EIF4G1: variants seen among roughly 807,000 people sequenced by gnomAD.
The protein encoded by EIF4G1 is EIF4-gamma.
A neutral mutation model predicts 187.8 loss-of-function variants in EIF4G1; 4 were observed. The observed-to-expected ratio is 0.02, with a 90% confidence interval of 0.01 to 0.05. The LOEUF is 0.05. Ranked by LOEUF, EIF4G1 falls within the 10% of genes least tolerant of loss-of-function variation. The pLI, the probability that EIF4G1 is intolerant of heterozygous loss-of-function variation, is 1.00. For missense variants in EIF4G1, 1,647 were observed against 2,081.1 expected, an observed-to-expected ratio of 0.79 and a Z score of 4.06; for synonymous variants, 844 against 781.4, an observed-to-expected ratio of 1.08 and a Z score of -1.34.
intron 28 of EIF4G1, among the ~76,000 whole-genome samples, chr3:184,330,928 C>T (rs1346328211): frequency 1.2e-4 from 18 of 152,138 alleles, no homozygotes; most frequent in African/African-American, 4.1e-4. Context: ...TCTGTAGAGA[C>T]GGGGTTTCAC....
intron 6 of EIF4G1, chr3:184,319,365 G>T: frequency 5.0e-6 from 2 of 402,886 alleles, no homozygotes; most frequent in Non-Finnish European, 9.4e-6. Flanking sequence ...TACGGTGGAA[G>T]GACAGACATA....
At position 184,335,265 on chromosome 3, in the gene EIF4G1, G is replaced by A; in HGVS notation, c.*357G>A. ...GCCGTCCTCGCTGCTGGGGGCATAT[G>A]CCCCAGCCCCTGTACCACCCCTGCT... On this transcript the variant is annotated 3_prime_UTR_variant, in exon 33 of 33. Coordinates refer to ENST00000346169, the MANE Select transcript of EIF4G1 (RefSeq NM_198241.3). 3.3e-6 allele frequency: 1 copy of A among 298,650 alleles called. No homozygotes were observed. Among genetic ancestry groups the A allele is most frequent in the Non-Finnish European group, 6.5e-6 (1 of 153,892 alleles). 18.5% of individuals were successfully genotyped at this position (298,650 alleles called of 1,614,324 possible).
chr3:184,322,187 T>C (rs1423224034), intron 10 of EIF4G1, 84 bp downstream of exon 10: 3 of 1,600,222 alleles, frequency 1.9e-6, no homozygotes, highest in African/African-American at 2.7e-5. Context: ...ATTTTTGACA[T>C]GTTTCTGGGT....
At chr3:184,324,412 C>G (rs990245263) in intron 17 of EIF4G1, 65 bp downstream of exon 17, 6 of 1,608,642 alleles carry the variant, frequency 3.7e-6, no homozygotes, top group Non-Finnish European at 5.1e-6. Context: ...AGATGCTACT[C>G]AGCTGTAGAA....
rs188604087 is a variant in EIF4G1, at chr3:184,323,040, C to T, written c.1930-43C>T. The T allele has an allele frequency of 1.5e-4, 242 of 1,614,134 alleles. 1 individual carries two copies. The East Asian group carries it at 2.6e-3, about 17-fold the overall frequency. On this transcript the variant is annotated intron_variant, in intron 13 of 32. Coordinates refer to ENST00000346169, the MANE Select transcript of EIF4G1 (RefSeq NM_198241.3). This position sits in a 1 kb window ranked among gnomAD's most constrained non-coding sequence, Gnocchi z 6.9. ...CTGAGGTCCTGAAAGAGTAGTCAAC[C>T]GCTCTAGCCTGCTTCTGAGACCTTT...
At chr3:184,317,545 TC>T (rs772842009) in intron 5 of EIF4G1, 48 bp downstream of exon 5, 3 of 1,606,306 alleles carry the variant, frequency 1.9e-6, no homozygotes, top group African/African-American at 2.7e-5. Flanking sequence ...CCTATACCTC[TC>T]ACTTAACTCA....
At position 184,321,471 on chromosome 3, in the gene EIF4G1, C is replaced by G. The variant is rs1464789453; in HGVS notation, c.887C>G (p.Ser296Cys). ...PGDTMTTIQMSVEESTPISRE... is the reference protein window; with the variant it reads ...PGDTMTTIQMCVEESTPISRE... ...GACACTATGACAACTATACAAATGT[C>G]TGTAGAAGAATCAACCCCCATCTCC... The change falls in exon 10 of 33, where the codon TCT (serine) becomes TGT (cysteine). Residue 296 changes from serine to cysteine, a missense_variant. Physicochemically the swap from Ser to Cys is moderately radical, Grantham distance 112. This residue lies in a region of EIF4G1 where 522 missense variants were observed against 485.2 expected (regional missense o/e 1.08). Transcript: ENST00000346169. 2 of 1,614,182 alleles carry G rather than the reference C, an allele frequency of 1.2e-6. No homozygotes were observed. Among genetic ancestry groups the G allele is most frequent in the Non-Finnish European group, 1.7e-6 (2 of 1,180,036 alleles).
Position 184,323,623 on chromosome 3 carries a change from T to TC in EIF4G1, c.2274+32dup, listed in dbSNP as rs1363535226. 6.2e-7 allele frequency: 1 copy of TC among 1,613,558 alleles called. No homozygotes were observed. The highest frequency in any genetic ancestry group is 8.5e-7 in the Non-Finnish European group (1 of 1,179,986). On this transcript the variant is annotated intron_variant, in intron 15 of 32. Coordinates refer to ENST00000346169, the MANE Select transcript of EIF4G1 (RefSeq NM_198241.3). The surrounding 1 kb of genome is among the most constrained non-coding windows in gnomAD (Gnocchi z 6.9). ...TGGCAAGTCCTGCTTTTGGTCTCTC[T>TC]CCATTTCTTCTCCAGGTCTGCCATC...
chr3:184,324,004 A>G (rs1724377272), intron 16 of EIF4G1, 27 bp downstream of exon 16: 1 of 1,613,054 alleles, frequency 6.2e-7, no homozygotes, highest in Non-Finnish European at 8.5e-7. Context: ...TTCTAAATCT[A>G]ATGGTCTGGT....
At position 184,323,016 on chromosome 3, in the gene EIF4G1, T is replaced by A; in HGVS notation, c.1929+62T>A. The A allele has an allele frequency of 6.2e-7, 1 of 1,614,156 alleles. No individual in the cohort carries two copies. The highest frequency in any genetic ancestry group is 8.5e-7 in the Non-Finnish European group (1 of 1,180,042). On this transcript the variant is annotated intron_variant, in intron 13 of 32. Transcript: ENST00000346169. The surrounding 1 kb of genome is among the most constrained non-coding windows in gnomAD (Gnocchi z 6.9). Reference sequence around the variant, plus strand: ...GTGCTGGATGGATTGGGGAGGAGCCTGAGGTCCTGAAAGAGTAGTCAACCG... The same window carrying A: ...GTGCTGGATGGATTGGGGAGGAGCCAGAGGTCCTGAAAGAGTAGTCAACCG...
chr3:184,315,492 C>G lies in EIF4G1; in HGVS notation c.-88C>G, dbSNP rs1481231586. 1.5e-6 allele frequency: 1 copy of G among 664,186 alleles called. No homozygotes were observed. Among genetic ancestry groups the G allele is most frequent in the Admixed American group, 1.8e-5 (1 of 55,744 alleles). 41.1% of individuals were successfully genotyped at this position (664,186 alleles called of 1,614,324 possible). ...TACCCTCACCTCCCAACCCCAGGCC[C>G]TCGGATGCCCAGAACCTGTAGGCCG... On this transcript the variant is annotated 5_prime_UTR_variant, in exon 2 of 33. Transcript: ENST00000346169.
At chr3:184,333,911 CTGCTATGGCCCAT>C (rs1353790343) in intron 32 of EIF4G1, among the ~76,000 whole-genome samples, 1 of 152,110 alleles carries the variant, frequency 6.6e-6, no homozygotes, top group Non-Finnish European at 1.5e-5. Flanking sequence ...AGGTTCTGCC[CTGCTATGGCCCAT>C]TGCTATGGGG....
chr3:184,320,762 C>T lies in EIF4G1; in HGVS notation c.630+40C>T, dbSNP rs774458381. 1.9e-6 allele frequency: 3 copies of T among 1,613,856 alleles called. No individual in the cohort carries two copies. The South Asian group carries it at 3.3e-5, about 18-fold the overall frequency. Reference sequence around the variant, plus strand: ...TCGAGTGATACCCTGGCTGGGATGTCTGTTCTGCCCTGGACTCCCAAGTCC... The same window carrying T: ...TCGAGTGATACCCTGGCTGGGATGTTTGTTCTGCCCTGGACTCCCAAGTCC... On this transcript the variant is annotated intron_variant, in intron 8 of 32. Coordinates refer to ENST00000346169, the MANE Select transcript of EIF4G1 (RefSeq NM_198241.3).
chr3:184,316,534 C>T (rs1056901914), intron 4 of EIF4G1, among the ~76,000 whole-genome samples: 8 of 152,056 alleles, frequency 5.3e-5, no homozygotes, highest in Non-Finnish European at 1.2e-4. Flanking sequence ...ATTGCTCTCT[C>T]TGCTTTCTCT....
At chr3:184,322,288 A>G (rs1724040195) in intron 10 of EIF4G1, 74 bp from the exon 11 acceptor site, 8 of 1,553,010 alleles carry the variant, frequency 5.2e-6, no homozygotes, top group Middle Eastern at 1.9e-4. Flanking sequence ...GCTGCTTTCT[A>G]TTTCCCAGGG....
chr3:184,323,682 T>C lies in EIF4G1; in HGVS notation c.2274+89T>C. 1 of 1,609,744 alleles carries C rather than the reference T, an allele frequency of 6.2e-7. No individual in the cohort carries two copies. Among genetic ancestry groups the C allele is most frequent in the African/African-American group, 1.3e-5 (1 of 74,962 alleles). ...CTTTGCTTCTTTTTGTCCTTATCACTAGCATCTGTCATGCCTAAGTCCCCA... is the reference window on the plus strand; with the variant it reads ...CTTTGCTTCTTTTTGTCCTTATCACCAGCATCTGTCATGCCTAAGTCCCCA... On this transcript the variant is annotated intron_variant, in intron 15 of 32. Coordinates refer to ENST00000346169, the MANE Select transcript of EIF4G1 (RefSeq NM_198241.3). The surrounding 1 kb of genome is among the most constrained non-coding windows in gnomAD (Gnocchi z 6.9).
Position 184,317,511 on chromosome 3 carries a change from C to A in EIF4G1, c.324+14C>A. 6.2e-7 allele frequency: 1 copy of A among 1,613,846 alleles called. No homozygotes were observed. On this transcript the variant is annotated intron_variant, in intron 5 of 32. Transcript: ENST00000346169. Reference sequence around the variant, plus strand: ...ATCCCTGGACAGGTGAGGCTGGGGGCTTGGAGCCTAGAAGCCACAGACCCC... The same window carrying A: ...ATCCCTGGACAGGTGAGGCTGGGGGATTGGAGCCTAGAAGCCACAGACCCC...
At chr3:184,319,465 G>T (rs1422935054) in intron 6 of EIF4G1, among the ~76,000 whole-genome samples, 7 of 12,808 alleles carry the variant, frequency 5.5e-4, no homozygotes, top group East Asian at 1.2e-3. Flanking sequence ...GTGTGTGTGT[G>T]TTTGTGTGTG....
At chr3:184,315,003 C>T (rs1256518804) in intron 1 of EIF4G1, among the ~76,000 whole-genome samples, 2 of 151,868 alleles carry the variant, frequency 1.3e-5, no homozygotes, top group Non-Finnish European at 2.9e-5. Flanking sequence ...CACCACGGCT[C>T]CCGGCCCGCC....
Sources: gnomAD v4.1 joint callset for allele counts (sites outside exome capture counted in the v4.1 genomes callset) on GRCh38, gnomAD v4.1.1 for gene constraint, gnomAD v4.1.1 regional missense constraint, Gnocchi (gnomAD v3.1) non-coding constraint, MANE v1.5 for transcripts, NCBI Gene and HGNC (gene_info 2026-07-23, HGNC 2026-07-21) for gene names.